The following DENND4C variants were observed in gnomAD, a reference collection of about 807,000 sequenced individuals.
DENND4C encodes the protein DENN domain-containing protein 4C.
In DENND4C, 108 loss-of-function variants were observed where a neutral mutation model predicts 203.0. That is an observed-to-expected ratio of 0.53 (90% confidence interval 0.46 to 0.62). The LOEUF is 0.62. DENND4C is among the 20% of genes least tolerant of loss of function. DENND4C has a pLI of 0.00. For missense variants in DENND4C, 2,481 were observed against 2,301.2 expected, an observed-to-expected ratio of 1.08 and a Z score of -1.60; for synonymous variants, 871 against 792.4, an observed-to-expected ratio of 1.10 and a Z score of -1.67.
Position 19,290,826 on chromosome 9 carries a change from C to A in DENND4C, c.751C>A (p.Pro251Thr), listed in dbSNP as rs1293606408. The A allele has an allele frequency of 6.2e-7, 1 of 1,613,502 alleles. No individual in the cohort carries two copies. The highest frequency in any genetic ancestry group is 8.5e-7 in the Non-Finnish European group (1 of 1,179,762). Residue 251 changes from proline to threonine, a missense_variant, in exon 5 of 33, where the codon CCA becomes ACA. By Grantham distance (38) the Pro-to-Thr change is conservative. Around this residue, in one of 3 missense-constraint regions of DENND4C, gnomAD observed 2,289 missense variants for 2,113.3 expected, o/e 1.08. Transcript: ENST00000434457. ...GTGCTGGGATCCTGAAACCAAATAT[C>A]CACTTCCAGTTTTTTCAACTTTTGT... ...IECWDPETKY[P>T]LPVFSTFVLT...
In DENND4C at chr9:19,369,049, C is replaced by G. The variant is rs886612038; in HGVS notation, c.5525-788C>G. 2.0e-5 allele frequency among the ~76,000 whole-genome samples: 3 copies of G among 152,064 alleles called. No individual in the cohort carries two copies. In the South Asian group the frequency reaches 6.2e-4, roughly 32 times the overall value. On this transcript the variant is annotated intron_variant, in intron 30 of 32. Coordinates refer to ENST00000434457, the MANE Select transcript of DENND4C (RefSeq NM_001330640.2). ...CCTGTAGTCCTAGCTATTTGGGAGG[C>G]TGAGCAGGGAGGACTGCTTGAGCCC...
Position 19,276,450 on chromosome 9 carries a change from G to A in DENND4C, c.276G>A (p.Gly92=). 1.6e-6 allele frequency: 2 copies of A among 1,232,120 alleles called. No individual in the cohort carries two copies. Among genetic ancestry groups the A allele is most frequent in the Non-Finnish European group, 2.0e-6 (2 of 987,950 alleles). 76.3% of individuals were successfully genotyped at this position (1,232,120 alleles called of 1,614,324 possible). ...AACTTTTCCTCTGTTATAAGAGAGGGAGAGATAAACCACCGCTTACAGATA... is the reference window on the plus strand; with the variant it reads ...AACTTTTCCTCTGTTATAAGAGAGGAAGAGATAAACCACCGCTTACAGATA... ...SPELFLCYKR[G]RDKPPLTDIG... is the part of the protein sequence containing the mutation. The change falls in exon 2 of 33, where the codon GGG becomes GGA. Residue 92 remains glycine, a synonymous_variant. Coordinates refer to ENST00000434457, the MANE Select transcript of DENND4C (RefSeq NM_001330640.2).
At chr9:19,264,330 C>T (rs1830042900) in intron 1 of DENND4C, among the ~76,000 whole-genome samples, 2 of 151,438 alleles carry the variant, frequency 1.3e-5, no homozygotes, top group African/African-American at 2.4e-5. Context: ...GACGGAGTCT[C>T]ACCCTGTTAT....
At chr9:19,279,535 G>T (rs548726243) in intron 2 of DENND4C, among the ~76,000 whole-genome samples, 2 of 151,936 alleles carry the variant, frequency 1.3e-5, no homozygotes, top group Non-Finnish European at 2.9e-5. Context: ...AAATTAGTTG[G>T]GCATGGTGGC....
intron 4 of DENND4C, among the ~76,000 whole-genome samples, chr9:19,290,352 G>A (rs755700197): frequency 6.6e-6 from 1 of 152,158 alleles, no homozygotes; most frequent in Admixed American, 6.5e-5. Context: ...TTTCACAGAA[G>A]ACTAACTGAA....
chr9:19,370,640 A>G (rs1316712463), intron 31 of DENND4C, among the ~76,000 whole-genome samples: 1 of 152,208 alleles, frequency 6.6e-6, no homozygotes, highest in Admixed American at 6.5e-5. Flanking sequence ...CTTTTGTTGG[A>G]CATAAGAGAA....
Position 19,243,881 on chromosome 9 carries a change from C to T in DENND4C, c.-18+13048C>T, listed in dbSNP as rs1019103893. On this transcript the variant is annotated intron_variant, in intron 1 of 32. Transcript: ENST00000434457. ...GACTGGAGTACAGTGGCACAGTCGTCGCTCACTGCAGCCTCGACCTTCCAG... is the reference window on the plus strand; with the variant it reads ...GACTGGAGTACAGTGGCACAGTCGTTGCTCACTGCAGCCTCGACCTTCCAG... Among the ~76,000 whole-genome samples, 24 of 152,266 alleles carry T rather than the reference C, an allele frequency of 1.6e-4. 2 individuals are homozygous for T. Among genetic ancestry groups the T allele is most frequent in the Admixed American group, 5.2e-4 (8 of 15,282 alleles).
chr9:19,290,803 G>A lies in DENND4C; in HGVS notation c.728G>A (p.Cys243Tyr), dbSNP rs761736810. 1 of 1,613,468 alleles carries A rather than the reference G, an allele frequency of 6.2e-7. No individual in the cohort carries two copies. Among genetic ancestry groups the A allele is most frequent in the Non-Finnish European group, 8.5e-7 (1 of 1,179,668 alleles). The change falls in exon 5 of 33, where the codon TGC (cysteine) becomes TAC (tyrosine). Residue 243 changes from cysteine to tyrosine, a missense_variant. Cys to Tyr is a radical substitution (Grantham distance 194). Transcript: ENST00000434457. ...FCLPMGATIE[C>Y]WDPETKYPLP... ...CTTCCTATGGGAGCTACTATTGAGT[G>A]CTGGGATCCTGAAACCAAATATCCA...
chr9:19,248,327 C>T (rs1166445484), intron 1 of DENND4C, among the ~76,000 whole-genome samples: 2 of 152,118 alleles, frequency 1.3e-5, no homozygotes, highest in African/African-American at 4.8e-5. Flanking sequence ...GAATGTTCTT[C>T]CTTTATTGTC....
chr9:19,352,323 TGTAA>T (rs1824332879), intron 25 of DENND4C, 141 bp downstream of exon 25: 4 of 998,710 alleles, frequency 4.0e-6, no homozygotes, highest in Admixed American at 5.5e-5. Context: ...TGATGTCTTA[TGTAA>T]GTAAGACATT....
intron 1 of DENND4C, among the ~76,000 whole-genome samples, chr9:19,234,838 G>C (rs1035844804): frequency 6.6e-6 from 1 of 150,578 alleles, no homozygotes; most frequent in Non-Finnish European, 1.5e-5. Context: ...CACTTTGTCT[G>C]ACCCATACTT....
intron 1 of DENND4C, among the ~76,000 whole-genome samples, chr9:19,261,119 T>C (rs1335404899): frequency 1.3e-5 from 2 of 152,146 alleles, no homozygotes; most frequent in African/African-American, 2.4e-5. Flanking sequence ...AAAGAGACTG[T>C]CCTTTCCTCA....
intron 1 of DENND4C, among the ~76,000 whole-genome samples, chr9:19,271,201 C>CT (rs34513200): frequency 0.25 from 31,674 of 128,920 alleles, 3,940 homozygotes; most frequent in East Asian, 0.42. Context: ...AATATGGATT[C>CT]TTTTTTTTTT....
intron 1 of DENND4C, among the ~76,000 whole-genome samples, chr9:19,266,095 C>T (rs1004737603): frequency 6.6e-6 from 1 of 152,214 alleles, no homozygotes; most frequent in Non-Finnish European, 1.5e-5. Context: ...GTTCCTATTT[C>T]TCCACATCCT....
In DENND4C at chr9:19,324,197, C is replaced by T. The variant is rs547254453; in HGVS notation, c.1808-165C>T. 2.0e-5 allele frequency among the ~76,000 whole-genome samples: 3 copies of T among 151,642 alleles called. No homozygotes were observed. In the East Asian group the frequency reaches 5.8e-4, roughly 29 times the overall value. ...AATCTGAAACACTTTTGGTCCCAAG[C>T]ATTTCAGATAAGAGATACTCAACCT... On this transcript the variant is annotated intron_variant, in intron 12 of 32. Transcript: ENST00000434457.
In DENND4C at chr9:19,259,630, C is replaced by T. The variant is rs140609073; in HGVS notation, c.-17-16528C>T. 3.9e-4 allele frequency among the ~76,000 whole-genome samples: 59 copies of T among 151,792 alleles called. No homozygotes were observed. The East Asian group carries it at 8.7e-3, about 22-fold the overall frequency. On this transcript the variant is annotated intron_variant, in intron 1 of 32. Coordinates refer to ENST00000434457, the MANE Select transcript of DENND4C (RefSeq NM_001330640.2). ...AGCGATTTCTCCTGCCTTAGCCTCC[C>T]GAGTAGCTGGGATTACAGGCATGTC...
chr9:19,331,296 T>G (rs1819097209), intron 16 of DENND4C, among the ~76,000 whole-genome samples: 1 of 151,190 alleles, frequency 6.6e-6, no homozygotes, highest in East Asian at 2.0e-4. Context: ...TCCCACTCCC[T>G]GGTTCAAGCA....
chr9:19,300,049 G>T, intron 8 of DENND4C, 138 bp from the exon 9 acceptor site: 1 of 810,906 alleles, frequency 1.2e-6, no homozygotes, highest in Non-Finnish European at 1.8e-6. Flanking sequence ...TATTAAATTT[G>T]CTACTTTTCA....
chr9:19,276,350 A>G lies in DENND4C; in HGVS notation c.176A>G (p.Glu59Gly). 8.1e-7 allele frequency: 1 copy of G among 1,232,156 alleles called. No individual in the cohort carries two copies. Among genetic ancestry groups the G allele is most frequent in the Non-Finnish European group, 1.0e-6 (1 of 987,948 alleles). The allele number at this position is 1,232,156 out of a possible 1,614,324, so 76.3% of individuals were successfully genotyped here. A position where few individuals can be genotyped will look rare whatever the true frequency, so the allele number is the denominator to read the frequency against. Residue 59 changes from glutamate to glycine, a missense_variant, in exon 2 of 33, where the codon GAA becomes GGA. Around this residue, in one of 3 missense-constraint regions of DENND4C, gnomAD observed 187 missense variants for 167.4 expected, o/e 1.12. Transcript: ENST00000434457. ...AAATCAGCTGGAGAAACAGTACCTG[A>G]AGGTTACACCTGTGTAGAAGCCACT... ...IIKSAGETVP[E>G]GYTCVEATPS...
Sources: gnomAD v4.1 joint callset for allele counts (sites outside exome capture counted in the v4.1 genomes callset) on GRCh38, gnomAD v4.1.1 for gene constraint, gnomAD v4.1.1 regional missense constraint, MANE v1.5 for transcripts, NCBI Gene and HGNC (gene_info 2026-07-23, HGNC 2026-07-21) for gene names.